The following CACNA1B variants were observed in gnomAD, a reference collection of about 807,000 sequenced individuals.
The protein encoded by CACNA1B is voltage-dependent N-type calcium channel subunit alpha-1B.
A neutral mutation model predicts 247.2 loss-of-function variants in CACNA1B; 70 were observed. That is an observed-to-expected ratio of 0.28 (90% CI 0.23 to 0.35). The LOEUF (loss-of-function observed/expected upper bound fraction) is 0.35, where lower values mean the gene tolerates loss of function less well. Among genes scored for constraint, CACNA1B ranks in the 10% least tolerant of loss-of-function variants. The probability of loss-of-function intolerance (pLI) is 1.00; values close to 1 mark genes in which losing one functional copy is unlikely to be tolerated. For missense variants in CACNA1B, 2,367 were observed against 3,197.4 expected (o/e 0.74, Z 6.26); for synonymous variants, 1,231 against 1,294.4 (o/e 0.95, Z 1.05).
At chr9:137,949,656 T>C (rs938272875) in intron 6 of CACNA1B, among the ~76,000 whole-genome samples, 1 of 152,038 alleles carries the variant, frequency 6.6e-6, no homozygotes, top group Non-Finnish European at 1.5e-5. Flanking sequence ...CATGGAGAGC[T>C]GATGATGCAG....
Position 138,023,324 on chromosome 9 carries a change from C to A in CACNA1B, c.2581C>A (p.Pro861Thr), listed in dbSNP as rs572088326. Reference protein sequence around the residue: ...HHRHRDKDKTPAAGDQDRAEA... With the variant: ...HHRHRDKDKTTAAGDQDRAEA... ...CCGGCACCGCGACAAGGACAAGACC[C>A]CCGCGGCGGGGGACCAGGACCGAGC... Residue 861 changes from proline to threonine, a missense_variant, in exon 19 of 47, where the codon CCC becomes ACC. Physicochemically the swap from Pro to Thr is conservative, Grantham distance 38. This residue lies in a region of CACNA1B where 631 missense variants were observed against 631.1 expected (regional missense o/e 1.00). Coordinates refer to ENST00000371372, the MANE Select transcript of CACNA1B (RefSeq NM_000718.4). 6.6e-7 allele frequency: 1 copy of A among 1,508,204 alleles called. No homozygotes were observed. Among genetic ancestry groups the A allele is most frequent in the East Asian group, 2.7e-5 (1 of 37,462 alleles). 93.4% of individuals were successfully genotyped at this position (1,508,204 alleles called of 1,614,324 possible).
intron 36 of CACNA1B, among the ~76,000 whole-genome samples, chr9:138,095,006 A>G (rs1485659805): frequency 1.3e-5 from 2 of 152,244 alleles, no homozygotes; most frequent in African/African-American, 4.8e-5. Flanking sequence ...TTATGAAACT[A>G]TTAGAAGAAT....
chr9:138,039,153 G>A (rs201575588), intron 20 of CACNA1B, among the ~76,000 whole-genome samples: 105 of 151,540 alleles, frequency 6.9e-4, no homozygotes, highest in African/African-American at 2.5e-3. Context: ...CCAAGATCTC[G>A]CCACTGCACT....
At position 138,117,943 on chromosome 9, in the gene CACNA1B, C is replaced by A; in HGVS notation, c.5778-3C>A. ...AGGAATCTGTTTGTCTTCTCTGCCACAGACAAAACCAAGAGAGTGGCATCA... is the reference window on the plus strand; with the variant it reads ...AGGAATCTGTTTGTCTTCTCTGCCAAAGACAAAACCAAGAGAGTGGCATCA... On this transcript the variant is annotated splice_polypyrimidine_tract_variant and splice_region_variant and intron_variant, in intron 42 of 46. Coordinates refer to ENST00000371372, the MANE Select transcript of CACNA1B (RefSeq NM_000718.4). The A allele has an allele frequency of 6.4e-7, 1 of 1,571,474 alleles. No individual in the cohort carries two copies.
chr9:137,917,505 T>TA lies in CACNA1B; in HGVS notation c.966+75dup. ...GAGCTGGTGCCTCTGGGGGTCCATT[T>TA]AGGGGGGCCCTTCTGACCTCAGAGC... On this transcript the variant is annotated intron_variant, in intron 6 of 46. Coordinates refer to ENST00000371372, the MANE Select transcript of CACNA1B (RefSeq NM_000718.4). This position sits in a 1 kb window ranked among gnomAD's most constrained non-coding sequence, Gnocchi z 5.5. The TA allele has an allele frequency of 7.4e-7, 1 of 1,346,970 alleles. No homozygotes were observed. The allele number at this position is 1,346,970 out of a possible 1,614,324, so 83.4% of individuals were successfully genotyped here.
chr9:137,988,824 G>A (rs545502395), intron 15 of CACNA1B, among the ~76,000 whole-genome samples: 15 of 152,270 alleles, frequency 9.9e-5, no homozygotes, highest in African/African-American at 3.6e-4. Context: ...AGGGGTGAAG[G>A]CTTGTTGAGC....
In CACNA1B at chr9:138,059,436, G is replaced by C. The variant is rs1959638471; in HGVS notation, c.4585-218G>C. ...TTCCTCTTTGGACACATGGCTCTTA[G>C]TCCTGCCTCTGCCCAGGCCCAGAGG... is the stretch of plus-strand genomic sequence containing the variant. On this transcript the variant is annotated intron_variant, in intron 30 of 46. Coordinates refer to ENST00000371372, the MANE Select transcript of CACNA1B (RefSeq NM_000718.4). The surrounding 1 kb of genome is among the most constrained non-coding windows in gnomAD (Gnocchi z 4.2). 6.6e-6 allele frequency among the ~76,000 whole-genome samples: 1 copy of C among 152,158 alleles called. No individual in the cohort carries two copies. The highest frequency in any genetic ancestry group is 1.5e-5 in the Non-Finnish European group (1 of 68,026).
At chr9:137,924,603 T>C (rs191115271) in intron 6 of CACNA1B, among the ~76,000 whole-genome samples, 33 of 152,360 alleles carry the variant, frequency 2.2e-4, no homozygotes, top group Non-Finnish European at 4.3e-4. Flanking sequence ...ATTCTTTCCA[T>C]GTTATTCAGT....
intron 31 of CACNA1B, among the ~76,000 whole-genome samples, chr9:138,063,010 A>G (rs1490201256): frequency 6.6e-6 from 1 of 152,262 alleles, no homozygotes; most frequent in Non-Finnish European, 1.5e-5. Context: ...CTGGACCCCT[A>G]AAAACTTCAC....
At chr9:137,898,227 T>C (rs1444177504) in intron 3 of CACNA1B, among the ~76,000 whole-genome samples, 1 of 152,256 alleles carries the variant, frequency 6.6e-6, no homozygotes. Flanking sequence ...ATTATGTTTC[T>C]CTGATGCTTT....
intron 3 of CACNA1B, among the ~76,000 whole-genome samples, chr9:137,908,267 G>A (rs1027409491): frequency 1.3e-5 from 2 of 152,186 alleles, no homozygotes; most frequent in African/African-American, 4.8e-5. Context: ...TGTAATCCCA[G>A]TACTTTGGGA....
intron 12 of CACNA1B, among the ~76,000 whole-genome samples, chr9:137,983,165 T>C (rs1045532705): frequency 6.6e-6 from 1 of 152,248 alleles, no homozygotes; most frequent in Non-Finnish European, 1.5e-5. Flanking sequence ...AAAATATATG[T>C]CCCAAATACA....
At position 138,072,930 on chromosome 9, in the gene CACNA1B, C is replaced by T. The variant is rs1056299272; in HGVS notation, c.4675-558C>T. Among the ~76,000 whole-genome samples, 7 of 152,236 alleles carry T rather than the reference C, an allele frequency of 4.6e-5. No homozygotes were observed. Among genetic ancestry groups the T allele is most frequent in the South Asian group, 2.1e-4 (1 of 4,832 alleles). ...GTACCTTCCATAACTTGTCTGCACACGCCTGGAGCAGCCTCAGAGGAAGTG... is the reference window on the plus strand; with the variant it reads ...GTACCTTCCATAACTTGTCTGCACATGCCTGGAGCAGCCTCAGAGGAAGTG... On this transcript the variant is annotated intron_variant, in intron 32 of 46. Coordinates refer to ENST00000371372, the MANE Select transcript of CACNA1B (RefSeq NM_000718.4). The surrounding 1 kb of genome is among the most constrained non-coding windows in gnomAD (Gnocchi z 4.5).
Position 138,000,167 on chromosome 9 carries a change from C to T in CACNA1B, c.1975-6600C>T, listed in dbSNP as rs983352102. Among the ~76,000 whole-genome samples, 317 of 150,460 alleles carry T rather than the reference C, an allele frequency of 2.1e-3. 1 individual carries two copies. The highest frequency in any genetic ancestry group is 4.3e-3 in the East Asian group (22 of 5,090). ...AGGCTGGAGTGCAGTGGTGCGATCT[C>T]GGCTCACTGCAAGCTCCGCCTCCCG... On this transcript the variant is annotated intron_variant, in intron 15 of 46. Transcript: ENST00000371372.
rs368711344 is a variant in CACNA1B, at chr9:137,952,196, T to A, written c.967-78T>A. 1.3e-4 allele frequency: 146 copies of A among 1,138,346 alleles called. 2 individuals carry two copies. In the African/African-American group the frequency reaches 1.9e-3, roughly 15 times the overall value. The allele number at this position is 1,138,346 out of a possible 1,614,324, so 70.5% of individuals were successfully genotyped here. A position where few individuals can be genotyped will look rare whatever the true frequency, so the allele number is the denominator to read the frequency against. On this transcript the variant is annotated intron_variant, in intron 6 of 46. Coordinates refer to ENST00000371372, the MANE Select transcript of CACNA1B (RefSeq NM_000718.4). This position sits in a 1 kb window ranked among gnomAD's most constrained non-coding sequence, Gnocchi z 4.8. ...TGTGTGCTTCTGAGAAGGAGGCCTG[T>A]TGGGGGCTGGGGGTGCTCCTGTGGC...
intron 11 of CACNA1B, among the ~76,000 whole-genome samples, chr9:137,975,136 C>A (rs1429434400): frequency 6.6e-6 from 1 of 152,076 alleles, no homozygotes; most frequent in Non-Finnish European, 1.5e-5. Flanking sequence ...ACCTTGAATT[C>A]CCAGCACAGC....
chr9:138,074,847 G>A (rs1024940864), intron 34 of CACNA1B, among the ~76,000 whole-genome samples: 11 of 152,252 alleles, frequency 7.2e-5, no homozygotes, highest in Non-Finnish European at 1.3e-4. Context: ...TCTGGCAGCC[G>A]CGCTGAAGGA....
chr9:138,096,643 G>C (rs200950577), intron 37 of CACNA1B, 32 bp downstream of exon 37: 2 of 1,600,684 alleles, frequency 1.2e-6, no homozygotes, highest in South Asian at 1.1e-5. Context: ...GTGGTCCTTG[G>C]GGGTGGTCCA....
Position 137,961,054 on chromosome 9 carries a change from T to A in CACNA1B, c.1333+3367T>A, listed in dbSNP as rs189463452. On this transcript the variant is annotated intron_variant, in intron 10 of 46. Coordinates refer to ENST00000371372, the MANE Select transcript of CACNA1B (RefSeq NM_000718.4). The stretch of plus-strand genomic sequence containing the variant: ...GCCTTTGCCTACTTTTTAATGGGGT[T>A]GTTTGTTCTCTCAGCACCGTTTATT... Among the ~76,000 whole-genome samples the A allele has an allele frequency of 1.7e-3, 254 of 152,306 alleles. 1 individual carries two copies. The highest frequency in any genetic ancestry group is 1.5e-3 in the Non-Finnish European group (104 of 68,022).
Sources: gnomAD v4.1 joint callset for allele counts (sites outside exome capture counted in the v4.1 genomes callset) on GRCh38, gnomAD v4.1.1 for gene constraint, gnomAD v4.1.1 regional missense constraint, Gnocchi (gnomAD v3.1) non-coding constraint, MANE v1.5 for transcripts, NCBI Gene and HGNC (gene_info 2026-07-23, HGNC 2026-07-21) for gene names.